The following ZGLP1 variants were observed in gnomAD, a reference collection of about 807,000 sequenced individuals.
The protein encoded by ZGLP1 is GATA-type zinc finger protein 1.
A neutral mutation model predicts 21.4 loss-of-function variants in ZGLP1; 11 were observed. The observed-to-expected ratio is 0.51, with a 90% CI of 0.32 to 0.85. ZGLP1 has a LOEUF of 0.85. Among genes scored for constraint, ZGLP1 ranks in the 40% least tolerant of loss-of-function variants. ZGLP1 has a pLI of 0.03. For synonymous variants in ZGLP1, 148 were observed against 145.0 expected, an observed-to-expected ratio of 1.02 and a Z score of -0.15; for missense variants, 295 against 355.6, an observed-to-expected ratio of 0.83 and a Z score of 1.37.
intron 1 of ZGLP1, among the ~76,000 whole-genome samples, chr19:10,306,759 G>A (rs552525187): frequency 1.3e-5 from 2 of 152,134 alleles, no homozygotes; most frequent in South Asian, 4.1e-4. Context: ...AGGCTGCAGT[G>A]AGCCATGATT....
Position 10,307,929 on chromosome 19 carries a change from C to T in ZGLP1, c.497+256G>A, listed in dbSNP as rs534857554. 7.9e-5 allele frequency among the ~76,000 whole-genome samples: 12 copies of T among 152,350 alleles called. No homozygotes were observed. The South Asian group carries it at 1.9e-3, about 24-fold the overall frequency. ...CATTATTGGGAAAAATCACCGCAGC[C>T]GCAGCTGCAGCCTAAGCAAGGCCAG... On this transcript the variant is annotated intron_variant, in intron 1 of 3. Coordinates refer to ENST00000403903, the Ensembl canonical transcript of ZGLP1.
chr19:10,307,147 A>T lies in ZGLP1; in HGVS notation c.497+1038T>A, dbSNP rs115478946. On this transcript the variant is annotated intron_variant, in intron 1 of 3. Coordinates refer to ENST00000403903, the Ensembl canonical transcript of ZGLP1. ...CAACTCCATCTCAAAAAAAAAAAAA[A>T]ATATTGTTTTGGCGGCATGATTAAA... Among the ~76,000 whole-genome samples, 754 of 151,984 alleles carry T rather than the reference A, an allele frequency of 5.0e-3. 7 individuals are homozygous for T. The highest frequency in any genetic ancestry group is 0.017 in the African/African-American group (705 of 41,460).
exon 1 of ZGLP1, chr19:10,308,348 G>A (rs375655345): frequency 6.5e-5 from 105 of 1,608,448 alleles, no homozygotes; most frequent in Non-Finnish European, 8.2e-5. Flanking sequence ...GGCTGCAGAC[G>A]GCGGCCCTTT....
In ZGLP1 at chr19:10,308,498, C is replaced by G. The variant is rs774416886; in HGVS notation, c.184G>C (p.Glu62Gln). Reference sequence around the variant, plus strand: ...GACTGACCCAGCCTCTCCACTGTCTCTTGGAGGAAGCACAGGGCGGTGACC... The same window carrying G: ...GACTGACCCAGCCTCTCCACTGTCTGTTGGAGGAAGCACAGGGCGGTGACC... The change falls in exon 1 of 4, where the codon GAG becomes CAG. Residue 62 changes from glutamate to glutamine, a missense_variant. Physicochemically the swap from Glu to Gln is conservative, Grantham distance 29 (BLOSUM62 2). Around this residue, in one of 2 missense-constraint regions of ZGLP1, gnomAD observed 252 missense variants for 264.0 expected, o/e 0.95. Coordinates refer to ENST00000403903, the Ensembl canonical transcript of ZGLP1. The G allele has an allele frequency of 3.8e-5, 61 of 1,611,078 alleles. No individual in the cohort carries two copies. The South Asian group carries it at 5.7e-4, about 15-fold the overall frequency.
At chr19:10,308,523 C>A in exon 1 of ZGLP1, 1 of 1,606,998 alleles carries the variant, frequency 6.2e-7, no homozygotes, top group South Asian at 1.1e-5. Context: ...GGGCGGTGAC[C>A]GACTCCTGGC....
exon 1 of ZGLP1, chr19:10,308,581 C>G (rs757978213): frequency 1.3e-6 from 2 of 1,586,750 alleles, no homozygotes; most frequent in Non-Finnish European, 8.6e-7. Context: ...GTCACGTTTT[C>G]TTGGGTGACT....
Position 10,305,053 on chromosome 19 carries a change from G to A in ZGLP1, c.*38C>T, listed in dbSNP as rs370006328. On this transcript the variant is annotated 3_prime_UTR_variant, in exon 4 of 4. Transcript: ENST00000403903. The surrounding 1 kb of genome is among the most constrained non-coding windows in gnomAD (Gnocchi z 4.7). ...CTGCCCATTCTCCCACTGGTGAAAC[G>A]GAGGCAGAAGCAGCAGCTCAGCAGG... The A allele has an allele frequency of 1.0e-5, 15 of 1,502,682 alleles. No homozygotes were observed. Among genetic ancestry groups the A allele is most frequent in the African/African-American group, 2.7e-5 (2 of 72,732 alleles). The allele number at this position is 1,502,682 out of a possible 1,614,324, so 93.1% of individuals were successfully genotyped here. A position where few individuals can be genotyped will look rare whatever the true frequency, so the allele number is the denominator to read the frequency against.
At chr19:10,308,906 G>C in exon 1 of ZGLP1, 1 of 383,068 alleles carries the variant, frequency 2.6e-6, no homozygotes, top group East Asian at 3.8e-5. Context: ...TTTAGAGACC[G>C]AGCCTCACTC....
At chr19:10,306,615 A>C (rs1222230273) in intron 1 of ZGLP1, among the ~76,000 whole-genome samples, 2 of 151,846 alleles carry the variant, frequency 1.3e-5, no homozygotes, top group African/African-American at 4.8e-5. Flanking sequence ...TTTTAAAAAG[A>C]GATGGGAGTC....
intron 1 of ZGLP1, 103 bp downstream of exon 2, chr19:10,308,082 C>CAGGT: frequency 6.9e-7 from 1 of 1,445,280 alleles, no homozygotes; most frequent in Non-Finnish European, 9.2e-7. Context: ...ACGTAGAGCA[C>CAGGT]AGGTGAGGGT....
In ZGLP1 at chr19:10,305,299, T is replaced by C. The variant is rs990300700; in HGVS notation, c.698+91A>G. On this transcript the variant is annotated intron_variant, in intron 3 of 3. Transcript: ENST00000403903. The surrounding 1 kb of genome is among the most constrained non-coding windows in gnomAD (Gnocchi z 4.7). ...AACCACTTTTCCCAAGAGGTAGGTG[T>C]TTTGCTTTTTGCTTTCCCCACAGGC... is the stretch of plus-strand genomic sequence containing the variant. The C allele has an allele frequency of 1.3e-5, 20 of 1,542,218 alleles. No individual in the cohort carries two copies. Among genetic ancestry groups the C allele is most frequent in the Admixed American group, 1.9e-5 (1 of 53,778 alleles).
Position 10,305,989 on chromosome 19 carries a change from C to A in ZGLP1, c.498-37G>T. 6.9e-7 allele frequency: 1 copy of A among 1,447,418 alleles called. No homozygotes were observed. The highest frequency in any genetic ancestry group is 9.4e-7 in the Non-Finnish European group (1 of 1,058,822). The allele number at this position is 1,447,418 out of a possible 1,614,324, so 89.7% of individuals were successfully genotyped here. On this transcript the variant is annotated intron_variant, in intron 1 of 3. Transcript: ENST00000403903. The surrounding 1 kb of genome is among the most constrained non-coding windows in gnomAD (Gnocchi z 4.7). ...ACAAGGTATTAGCACTGGGGGGGATCTGTAGCTTGTCCCCAACAGCCCTCC... is the reference window on the plus strand; with the variant it reads ...ACAAGGTATTAGCACTGGGGGGGATATGTAGCTTGTCCCCAACAGCCCTCC...
At chr19:10,304,829 T>C in exon 4 of ZGLP1, 1 of 525,870 alleles carries the variant, frequency 1.9e-6, no homozygotes, top group Non-Finnish European at 3.4e-6. Context: ...TACTTTATTG[T>C]CCCTGCTGTA....
chr19:10,305,677 A>C lies in ZGLP1; in HGVS notation c.604+169T>G. 1.3e-6 allele frequency: 1 copy of C among 740,828 alleles called. No homozygotes were observed. Among genetic ancestry groups the C allele is most frequent in the Non-Finnish European group, 2.3e-6 (1 of 438,812 alleles). The allele number at this position is 740,828 out of a possible 1,614,324, so 45.9% of individuals were successfully genotyped here. ...AGATGGCAGCATTCCGCAGAGGAGG[A>C]AGCTGGGGGTGGGGGTGACTCAGCC... On this transcript the variant is annotated intron_variant, in intron 2 of 3. Coordinates refer to ENST00000403903, the Ensembl canonical transcript of ZGLP1. The surrounding 1 kb of genome is among the most constrained non-coding windows in gnomAD (Gnocchi z 4.7).
At chr19:10,308,770 CATCA>C in exon 1 of ZGLP1, 3 of 1,276,474 alleles carry the variant, frequency 2.4e-6, no homozygotes, top group Non-Finnish European at 2.0e-6. Flanking sequence ...CAGCCCTCCA[CATCA>C]ATCAACCCCT....
chr19:10,307,105 G>T (rs1032569395), intron 1 of ZGLP1, among the ~76,000 whole-genome samples: 1 of 150,084 alleles, frequency 6.7e-6, no homozygotes, highest in Non-Finnish European at 1.5e-5. Flanking sequence ...TTGCACTCCA[G>T]CCTGAACGAC....
At position 10,308,254 on chromosome 19, in the gene ZGLP1, C is replaced by G. The variant is rs770737202; in HGVS notation, c.428G>C (p.Gly143Ala). The change falls in exon 1 of 4, where the codon GGG becomes GCG. Residue 143 changes from glycine to alanine, a missense_variant. This residue lies in a region of ZGLP1 where 252 missense variants were observed against 264.0 expected (regional missense o/e 0.95). Transcript: ENST00000403903. ...AAACTTCAGAGTCACCCCCTCGAAC[C>G]CAGGGTCCACTCTCTCGGTGCCCCG... is the stretch of plus-strand genomic sequence containing the variant. 2.5e-6 allele frequency: 4 copies of G among 1,593,232 alleles called. No individual in the cohort carries two copies. In the East Asian group the frequency reaches 6.7e-5, roughly 27 times the overall value.
At chr19:10,308,336 G>C (rs753420556) in exon 1 of ZGLP1, 9 of 1,610,468 alleles carry the variant, frequency 5.6e-6, no homozygotes, top group South Asian at 5.5e-5. Flanking sequence ...GGAGTCCCCG[G>C]GGGCTGCAGA....
exon 1 of ZGLP1, chr19:10,308,334 C>T (rs756007884): frequency 4.3e-5 from 69 of 1,609,850 alleles, no homozygotes; most frequent in Non-Finnish European, 5.6e-5. Context: ...AGGGAGTCCC[C>T]GGGGGCTGCA....
Sources: gnomAD v4.1 joint callset for allele counts (sites outside exome capture counted in the v4.1 genomes callset) on GRCh38, gnomAD v4.1.1 for gene constraint, gnomAD v4.1.1 regional missense constraint, Gnocchi (gnomAD v3.1) non-coding constraint, MANE v1.5 for transcripts, NCBI Gene and HGNC (gene_info 2026-07-23, HGNC 2026-07-21) for gene names.